Variants in LRRK2 observed in about 807,000 individuals in gnomAD.
The protein encoded by LRRK2 is leucine-rich repeat serine/threonine-protein kinase 2.
A neutral mutation model predicts 302.6 loss-of-function variants in LRRK2; 203 were observed. That is an observed-to-expected ratio of 0.67 (90% CI 0.60 to 0.75). The LOEUF is 0.75. Ranked by LOEUF, LRRK2 falls within the 30% of genes least tolerant of loss-of-function variation. The pLI is 0.00. For missense variants in LRRK2, 2,830 were observed against 2,951.0 expected (o/e 0.96, Z 0.95); for synonymous variants, 1,066 against 1,031.9 (o/e 1.03, Z -0.63).
chr12:40,232,402 T>A lies in LRRK2; in HGVS notation c.347+19T>A. ...TTCACCAGTAAGTATGATAGATATG[T>A]AAAACAAATGGCCTTGAGTATTTAT... On this transcript the variant is annotated intron_variant, in intron 3 of 50. Coordinates refer to ENST00000298910, the MANE Select transcript of LRRK2 (RefSeq NM_198578.4). 1 of 1,563,206 alleles carries A rather than the reference T, an allele frequency of 6.4e-7. No homozygotes were observed. Among genetic ancestry groups the A allele is most frequent in the Non-Finnish European group, 8.8e-7 (1 of 1,133,634 alleles).
chr12:40,248,172 TTC>T lies in LRRK2; in HGVS notation c.839-1650_839-1649del, dbSNP rs1468808664. Among the ~76,000 whole-genome samples the T allele has an allele frequency of 4.6e-5, 7 of 152,276 alleles. No individual in the cohort carries two copies. In the East Asian group the frequency reaches 1.2e-3, roughly 25 times the overall value. ...GTCAGAGTAGCACACTACTGTACAA[TTC>T]TCTGTTTCATGTTTTACAATTTACC... On this transcript the variant is annotated intron_variant, in intron 7 of 50. Coordinates refer to ENST00000298910, the MANE Select transcript of LRRK2 (RefSeq NM_198578.4).
chr12:40,257,197 A>T (rs1168558407), intron 11 of LRRK2, 51 bp from the exon 12 acceptor site: 3 of 1,338,586 alleles, frequency 2.2e-6, no homozygotes, highest in East Asian at 2.4e-5. Context: ...TTATGGTAAA[A>T]TTATGAAAAT....
At chr12:40,254,326 G>A (rs1458939796) in intron 11 of LRRK2, among the ~76,000 whole-genome samples, 1 of 152,118 alleles carries the variant, frequency 6.6e-6, no homozygotes, top group African/African-American at 2.4e-5. Flanking sequence ...GTCAAATAAA[G>A]AGGAAAATCA....
At chr12:40,276,828 G>A (rs771648675) in intron 16 of LRRK2, among the ~76,000 whole-genome samples, 1 of 151,924 alleles carries the variant, frequency 6.6e-6, no homozygotes, top group Non-Finnish European at 1.5e-5. Flanking sequence ...TTTAGATGAC[G>A]TAAGTTAATT....
intron 48 of LRRK2, among the ~76,000 whole-genome samples, 184 bp downstream of exon 48, chr12:40,363,738 A>G (rs1946789456): frequency 6.6e-6 from 1 of 152,046 alleles, no homozygotes. Context: ...TTCAGAACAT[A>G]AAAGAATAGG....
intron 7 of LRRK2, among the ~76,000 whole-genome samples, chr12:40,244,591 C>T (rs1941887401): frequency 1.3e-5 from 2 of 151,760 alleles, no homozygotes; most frequent in South Asian, 4.1e-4. Context: ...GTGAAATATG[C>T]AATCTGTCAT....
At chr12:40,338,586 T>C (rs1283741877) in intron 40 of LRRK2, among the ~76,000 whole-genome samples, 1 of 152,212 alleles carries the variant, frequency 6.6e-6, no homozygotes, top group East Asian at 1.9e-4. Context: ...TCAAAAGCTA[T>C]TTTGCTAGTC....
chr12:40,238,226 G>A (rs1405568607), intron 5 of LRRK2, 123 bp downstream of exon 5: 1 of 1,001,682 alleles, frequency 1.0e-6, no homozygotes, highest in Admixed American at 2.6e-5. Context: ...TAAGAAGTGG[G>A]AGTTGTCTGT....
At chr12:40,265,789 G>C (rs1390986276) in intron 14 of LRRK2, among the ~76,000 whole-genome samples, 2 of 152,072 alleles carry the variant, frequency 1.3e-5, no homozygotes, top group Admixed American at 1.3e-4. Context: ...GCATGGTACT[G>C]GTACCAAAAA....
At position 40,346,892 on chromosome 12, in the gene LRRK2, T is replaced by G; in HGVS notation, c.6249T>G (p.Phe2083Leu). The change falls in exon 42 of 51, where the codon TTT (phenylalanine) becomes TTG (leucine). Residue 2083 changes from phenylalanine to leucine, a missense_variant. Transcript: ENST00000298910. ...AGGGTTTGAAGTTTCCAAATGAGTTTGATGAATTAGAAATACAAGGAAAAT... is the reference window on the plus strand; with the variant it reads ...AGGGTTTGAAGTTTCCAAATGAGTTGGATGAATTAGAAATACAAGGAAAAT... ...IVEGLKFPNEFDELEIQGKLP... is the reference protein window; with the variant it reads ...IVEGLKFPNELDELEIQGKLP... 2 of 1,612,556 alleles carry G rather than the reference T, an allele frequency of 1.2e-6. No individual in the cohort carries two copies. Among genetic ancestry groups the G allele is most frequent in the Non-Finnish European group, 1.7e-6 (2 of 1,179,584 alleles).
intron 7 of LRRK2, among the ~76,000 whole-genome samples, chr12:40,244,019 T>TA (rs913933273): frequency 6.6e-5 from 10 of 152,056 alleles, no homozygotes; most frequent in Non-Finnish European, 1.0e-4. Context: ...TAAGAATTGA[T>TA]ACATACAAAA....
chr12:40,242,260 A>C (rs1941761522), intron 6 of LRRK2, among the ~76,000 whole-genome samples: 1 of 152,164 alleles, frequency 6.6e-6, no homozygotes, highest in African/African-American at 2.4e-5. Context: ...GCATTGTAAT[A>C]TACTTTTTGT....
chr12:40,345,622 CAAA>C (rs144415226), intron 41 of LRRK2, among the ~76,000 whole-genome samples: 4 of 67,510 alleles, frequency 5.9e-5, no homozygotes, highest in Non-Finnish European at 1.0e-4. Flanking sequence ...GACTCCATCT[CAAA>C]AAAAAAAAAA....
At chr12:40,332,870 G>T (rs1434670454) in intron 39 of LRRK2, among the ~76,000 whole-genome samples, 1 of 150,290 alleles carries the variant, frequency 6.7e-6, no homozygotes, top group Non-Finnish European at 1.5e-5. Flanking sequence ...AATGTCTACA[G>T]AGCCAATTAG....
At chr12:40,351,503 G>T in intron 43 of LRRK2, 36 bp from the exon 44 acceptor site, 1 of 1,596,494 alleles carries the variant, frequency 6.3e-7, no homozygotes, top group South Asian at 1.1e-5. Context: ...GAGTTAACTC[G>T]ATAAGTACTG....
intron 33 of LRRK2, 111 bp from the exon 34 acceptor site, chr12:40,319,877 C>T: frequency 2.8e-6 from 3 of 1,062,790 alleles, no homozygotes; most frequent in Non-Finnish European, 4.1e-6. Flanking sequence ...CACTTGAAAA[C>T]ACTAAAATCT....
At chr12:40,263,767 A>C (rs199898131) in intron 13 of LRRK2, 22 bp from the exon 14 acceptor site, 137 of 1,516,546 alleles carry the variant, frequency 9.0e-5, no homozygotes, top group Non-Finnish European at 1.1e-4. Flanking sequence ...TTCTTTCTTT[A>C]TTTATTTATC....
chr12:40,264,293 A>G (rs1386926509), intron 14 of LRRK2, among the ~76,000 whole-genome samples: 1 of 152,042 alleles, frequency 6.6e-6, no homozygotes, highest in Non-Finnish European at 1.5e-5. Context: ...CTCATAGTAT[A>G]TGGTTTAGCC....
intron 41 of LRRK2, among the ~76,000 whole-genome samples, chr12:40,341,848 C>A (rs994474640): frequency 1.3e-5 from 2 of 152,190 alleles, no homozygotes; most frequent in African/African-American, 4.8e-5. Flanking sequence ...CTTATTTAAT[C>A]TTCACTATTA....
Sources: gnomAD v4.1 joint callset for allele counts (sites outside exome capture counted in the v4.1 genomes callset) on GRCh38, gnomAD v4.1.1 for gene constraint, MANE v1.5 for transcripts, NCBI Gene and HGNC (gene_info 2026-07-23, HGNC 2026-07-21) for gene names.